Variants in AK4 observed in about 807,000 individuals in gnomAD.
The protein encoded by AK4 is adenylate kinase 4, also known as adenylate kinase 4, mitochondrial.
AK4 carries 13 observed loss-of-function variants against 24.6 expected under a neutral mutation model. The observed-to-expected ratio is 0.53, with a 90% CI of 0.34 to 0.84. The LOEUF (loss-of-function observed/expected upper bound fraction) is 0.84, where lower values mean the gene tolerates loss of function less well. Among genes scored for constraint, AK4 ranks in the 40% least tolerant of loss-of-function variants. The pLI is 0.01. For synonymous variants in AK4, 88 were observed against 107.0 expected (o/e 0.82, Z 1.10); for missense variants, 192 against 288.2 (o/e 0.67, Z 2.42).
Position 65,177,221 on chromosome 1 carries a change from CTT to C in AK4, c.146-13485_146-13484del, listed in dbSNP as rs934721549. 5.7e-5 allele frequency among the ~76,000 whole-genome samples: 8 copies of C among 139,346 alleles called. No homozygotes were observed. The East Asian group carries it at 1.3e-3, about 23-fold the overall frequency. 91.4% of individuals were successfully genotyped at this position (139,346 alleles called of 152,430 possible). The stretch of plus-strand genomic sequence containing the variant: ...GACGGGTGTATTCCATATGAGGTCT[CTT>C]TTTCCCTCAGAGACCAGTGACTAAT... On this transcript the variant is annotated intron_variant, in intron 1 of 4. Transcript: ENST00000327299.
intron 2 of AK4, among the ~76,000 whole-genome samples, chr1:65,193,493 A>C (rs973728919): frequency 4.6e-5 from 7 of 152,188 alleles, no homozygotes; most frequent in African/African-American, 1.7e-4. Flanking sequence ...CACACACTTA[A>C]TATTCCCTCT....
At chr1:65,158,801 C>T (rs1019071795) in intron 1 of AK4, among the ~76,000 whole-genome samples, 2 of 151,990 alleles carry the variant, frequency 1.3e-5, no homozygotes, top group Admixed American at 6.6e-5. Flanking sequence ...GCCACTGCAC[C>T]CGGCCCAAAC....
chr1:65,209,806 T>C (rs1191797594), intron 2 of AK4, among the ~76,000 whole-genome samples: 1 of 151,926 alleles, frequency 6.6e-6, no homozygotes, highest in Non-Finnish European at 1.5e-5. Context: ...GTTTTTCTTT[T>C]TCTTTTTTTT....
intron 1 of AK4, among the ~76,000 whole-genome samples, chr1:65,184,766 T>C (rs1424334622): frequency 6.6e-6 from 1 of 152,180 alleles, no homozygotes; most frequent in Non-Finnish European, 1.5e-5. Context: ...TGTTTTATTG[T>C]AGTTTGCTGT....
intron 1 of AK4, among the ~76,000 whole-genome samples, chr1:65,150,385 A>G (rs1649731544): frequency 6.6e-6 from 1 of 151,200 alleles, no homozygotes. Context: ...GTGAGAAATG[A>G]CTATGAAATG....
chr1:65,197,690 G>T (rs975705686), intron 2 of AK4, among the ~76,000 whole-genome samples: 1 of 152,218 alleles, frequency 6.6e-6, no homozygotes, highest in Non-Finnish European at 1.5e-5. Context: ...AGCCCTTGGT[G>T]TAGGTGTATG....
At chr1:65,213,454 C>T (rs1652032271) in intron 2 of AK4, among the ~76,000 whole-genome samples, 1 of 152,138 alleles carries the variant, frequency 6.6e-6, no homozygotes, top group South Asian at 2.1e-4. Flanking sequence ...GTAACTGCCA[C>T]AGAGAGCACC....
chr1:65,157,076 A>T lies in AK4; in HGVS notation c.145+8524A>T, dbSNP rs139363663. 3.1e-3 allele frequency among the ~76,000 whole-genome samples: 473 copies of T among 152,260 alleles called. 5 individuals are homozygous for T. The highest frequency in any genetic ancestry group is 0.011 in the African/African-American group (453 of 41,568). ...GAGAAAAGTACTGTTATTTTTGCAC[A>T]TTTGCAAATCTTTCTGGCCTAATAG... is the stretch of plus-strand genomic sequence containing the variant. On this transcript the variant is annotated intron_variant, in intron 1 of 4. Coordinates refer to ENST00000327299, the MANE Select transcript of AK4 (RefSeq NM_013410.4).
At chr1:65,166,577 C>T (rs960191058) in intron 1 of AK4, among the ~76,000 whole-genome samples, 5 of 152,124 alleles carry the variant, frequency 3.3e-5, no homozygotes, top group African/African-American at 1.2e-4. Context: ...TGGAGGAGTA[C>T]AGTGGTGTGA....
chr1:65,165,907 G>A (rs909053044), intron 1 of AK4: 4 of 152,350 alleles, frequency 2.6e-5, no homozygotes, highest in Non-Finnish European at 5.9e-5. Context: ...TGCCAGGAAA[G>A]TAGTCCCATT....
At chr1:65,172,460 T>A (rs1350509182) in intron 1 of AK4, among the ~76,000 whole-genome samples, 1 of 152,256 alleles carries the variant, frequency 6.6e-6, no homozygotes, top group East Asian at 1.9e-4. Context: ...TTAAAGTGAC[T>A]CTAAAATTAG....
chr1:65,225,153 A>G (rs1652414794), intron 4 of AK4, among the ~76,000 whole-genome samples: 1 of 152,212 alleles, frequency 6.6e-6, no homozygotes, highest in South Asian at 2.1e-4. Flanking sequence ...TTTCTTAAAA[A>G]TTTAAGTGAC....
intron 1 of AK4, 70 bp downstream of exon 1, chr1:65,148,622 G>T: frequency 6.9e-7 from 1 of 1,456,548 alleles, no homozygotes; most frequent in Non-Finnish European, 9.1e-7. Context: ...GGAGGGACTG[G>T]GGCTCCCGGA....
chr1:65,204,234 T>A (rs1651748889), intron 2 of AK4, among the ~76,000 whole-genome samples: 1 of 151,266 alleles, frequency 6.6e-6, no homozygotes, highest in South Asian at 2.1e-4. Flanking sequence ...GGAGTCTCGC[T>A]GTGTCGCCCA....
At chr1:65,176,463 T>C (rs1359338260) in intron 1 of AK4, among the ~76,000 whole-genome samples, 4 of 152,068 alleles carry the variant, frequency 2.6e-5, no homozygotes, top group African/African-American at 9.7e-5. Flanking sequence ...AGGCCTGAGT[T>C]CCCATCCCGA....
At position 65,230,068 on chromosome 1, in the gene AK4, C is replaced by T. The variant is rs1652587997; in HGVS notation, c.*3891C>T. On this transcript the variant is annotated 3_prime_UTR_variant, in exon 5 of 5. Coordinates refer to ENST00000327299, the MANE Select transcript of AK4 (RefSeq NM_013410.4). The stretch of plus-strand genomic sequence containing the variant: ...ATGCCAGATCCAAACCTTTGCCCAC[C>T]ATCTGCTTGTCGTGCAACAGTTGAG... The T allele has an allele frequency of 6.6e-6, 1 of 152,260 alleles. No homozygotes were observed. Among genetic ancestry groups the T allele is most frequent in the Non-Finnish European group, 1.5e-5 (1 of 68,090 alleles). 9.4% of individuals were successfully genotyped at this position (152,260 alleles called of 1,614,324 possible).
At chr1:65,200,103 TTTTTG>T (rs10676984) in intron 2 of AK4, among the ~76,000 whole-genome samples, 25 of 149,804 alleles carry the variant, frequency 1.7e-4, no homozygotes, top group East Asian at 4.0e-4. Context: ...AGGTAACAGG[TTTTTG>T]TTTTGTTTTG....
At chr1:65,173,635 G>C (rs1009871420) in intron 1 of AK4, among the ~76,000 whole-genome samples, 27 of 152,184 alleles carry the variant, frequency 1.8e-4, no homozygotes, top group African/African-American at 5.5e-4. Context: ...GGGAGGCCAA[G>C]GTGGGCAGAT....
intron 3 of AK4, among the ~76,000 whole-genome samples, chr1:65,223,291 T>A (rs1652350730): frequency 6.6e-6 from 1 of 152,034 alleles, no homozygotes; most frequent in Non-Finnish European, 1.5e-5. Context: ...TGGGTTCAAG[T>A]GATTCTCCTG....
Sources: gnomAD v4.1 joint callset for allele counts (sites outside exome capture counted in the v4.1 genomes callset) on GRCh38, gnomAD v4.1.1 for gene constraint, MANE v1.5 for transcripts, NCBI Gene and HGNC (gene_info 2026-07-23, HGNC 2026-07-21) for gene names.